ETV6: variants seen among roughly 807,000 people sequenced by gnomAD.
The protein encoded by ETV6 is ETS variant transcription factor 6.
ETV6 carries 16 observed loss-of-function variants against 51.1 expected under a neutral mutation model. The ratio of observed to expected loss-of-function variants is 0.31; its 90% CI spans 0.21 to 0.48. The LOEUF is 0.48. ETV6 is among the 20% of genes least tolerant of loss of function. The pLI is 0.99. For missense variants in ETV6, 458 were observed against 594.8 expected (o/e 0.77, Z 2.39); for synonymous variants, 240 against 224.1 (o/e 1.07, Z -0.64).
intron 2 of ETV6, among the ~76,000 whole-genome samples, chr12:11,828,988 C>T (rs1433220631): frequency 1.3e-5 from 2 of 152,094 alleles, no homozygotes; most frequent in Non-Finnish European, 2.9e-5. Context: ...GGGGCCTGAG[C>T]GGGCACCTCC....
intron 1 of ETV6, among the ~76,000 whole-genome samples, chr12:11,674,151 G>T (rs970005552): frequency 2.6e-5 from 4 of 152,208 alleles, no homozygotes; most frequent in Admixed American, 6.5e-5. Context: ...ATAAAGAGCA[G>T]TGTGCTCGCG....
chr12:11,794,396 G>T (rs1945646917), intron 2 of ETV6, among the ~76,000 whole-genome samples: 1 of 152,134 alleles, frequency 6.6e-6, no homozygotes, highest in Admixed American at 6.5e-5. Context: ...AGCTGCTTGG[G>T]CACAAGCAGG....
intron 1 of ETV6, among the ~76,000 whole-genome samples, chr12:11,746,790 CTTTTTTTTTTTTT>C (rs56135545): frequency 8.4e-6 from 1 of 118,682 alleles, no homozygotes; most frequent in Non-Finnish European, 1.8e-5. Context: ...CTCTCTCTCT[CTTTTTTTTTTTTT>C]TTTTTTTTTT....
intron 3 of ETV6, among the ~76,000 whole-genome samples, chr12:11,845,518 C>CCA (rs1946448250): frequency 6.6e-6 from 1 of 152,062 alleles, no homozygotes; most frequent in Non-Finnish European, 1.5e-5. Flanking sequence ...TTAAATTTTC[C>CCA]CACAACCTGT....
chr12:11,869,811 C>T lies in ETV6; in HGVS notation c.851C>T (p.Ser284Phe). 2 of 1,613,362 alleles carry T rather than the reference C, an allele frequency of 1.2e-6. No individual in the cohort carries two copies. Among genetic ancestry groups the T allele is most frequent in the Non-Finnish European group, 1.7e-6 (2 of 1,180,044 alleles). Residue 284 changes from serine to phenylalanine, a missense_variant, in exon 5 of 8, where the codon TCC becomes TTC. This residue lies in a region of ETV6 where 293 missense variants were observed against 315.7 expected (regional missense o/e 0.93). Coordinates refer to ENST00000396373, the MANE Select transcript of ETV6 (RefSeq NM_001987.5). The surrounding 1 kb of genome is among the most constrained non-coding windows in gnomAD (Gnocchi z 5.0). ...CCTCTGATCCTGAACCCCCGGCACT[C>T]CGTGGATTTCAAACAGTCCAGGCTC... ...MHPLILNPRH[S>F]VDFKQSRLSE...
chr12:11,711,759 C>T (rs1865176569), intron 1 of ETV6, among the ~76,000 whole-genome samples: 1 of 152,194 alleles, frequency 6.6e-6, no homozygotes. Flanking sequence ...GAGGAATATT[C>T]GTCTGAAGTC....
chr12:11,850,072 G>C (rs1321189754), intron 3 of ETV6, among the ~76,000 whole-genome samples: 1 of 152,022 alleles, frequency 6.6e-6, no homozygotes, highest in East Asian at 1.9e-4. Flanking sequence ...CCAGGACCTC[G>C]GGTCCATGTT....
rs931464414 is a variant in ETV6 at position 11,894,911 on chromosome 12, C to A, written c.*3865C>A. ...CACACCAAGAAAAAGGGGCAGTTTT[C>A]TTTGCCCAAGCATTTGGTGCTAGTT... On this transcript the variant is annotated 3_prime_UTR_variant, in exon 8 of 8. Coordinates refer to ENST00000396373, the MANE Select transcript of ETV6 (RefSeq NM_001987.5). The A allele has an allele frequency of 4.3e-6, 1 of 233,548 alleles. No individual in the cohort carries two copies. Among genetic ancestry groups the A allele is most frequent in the African/African-American group, 2.2e-5 (1 of 45,344 alleles). The allele number at this position is 233,548 out of a possible 1,614,324, so 14.5% of individuals were successfully genotyped here. A position where few individuals can be genotyped will look rare whatever the true frequency, so the allele number is the denominator to read the frequency against.
At chr12:11,818,369 G>A (rs1450412901) in intron 2 of ETV6, among the ~76,000 whole-genome samples, 1 of 151,902 alleles carries the variant, frequency 6.6e-6, no homozygotes, top group African/African-American at 2.4e-5. Flanking sequence ...AAATACATAA[G>A]TAACAAAAAT....
chr12:11,733,917 A>G (rs1591638361), intron 1 of ETV6, among the ~76,000 whole-genome samples: 1 of 152,246 alleles, frequency 6.6e-6, no homozygotes, highest in South Asian at 2.1e-4. Flanking sequence ...AGTTGCAGCC[A>G]CTAACATGTT....
chr12:11,750,895 C>A, intron 1 of ETV6: 1 of 473,914 alleles, frequency 2.1e-6, no homozygotes, highest in Non-Finnish European at 4.1e-6. Flanking sequence ...ACATGTGATG[C>A]CTGCTAAAGT....
chr12:11,735,688 C>T (rs1297194109), intron 1 of ETV6, among the ~76,000 whole-genome samples: 1 of 152,208 alleles, frequency 6.6e-6, no homozygotes, highest in Non-Finnish European at 1.5e-5. Flanking sequence ...ACAACCTCCG[C>T]CTCCCGGGTT....
At chr12:11,747,329 A>G (rs1368143228) in intron 1 of ETV6, among the ~76,000 whole-genome samples, 4 of 152,330 alleles carry the variant, frequency 2.6e-5, no homozygotes, top group South Asian at 2.1e-4. Flanking sequence ...CAGGGGGGAC[A>G]CTGGACACCA....
At chr12:11,728,651 T>A (rs185725968) in intron 1 of ETV6, among the ~76,000 whole-genome samples, 1 of 151,418 alleles carries the variant, frequency 6.6e-6, no homozygotes, top group East Asian at 1.9e-4. Context: ...AAAAAAAAGG[T>A]CCATTTACTT....
At chr12:11,762,381 G>A (rs1473247024) in intron 2 of ETV6, among the ~76,000 whole-genome samples, 2 of 152,198 alleles carry the variant, frequency 1.3e-5, no homozygotes, top group African/African-American at 2.4e-5. Context: ...AACTCAAGGC[G>A]TGTTTGCCTT....
rs1246795209 is a variant in ETV6 at position 11,869,143 on chromosome 12, G to A, written c.464-281G>A. Among the ~76,000 whole-genome samples, 6 of 151,944 alleles carry A rather than the reference G, an allele frequency of 3.9e-5. No individual in the cohort carries two copies. Among genetic ancestry groups the A allele is most frequent in the Non-Finnish European group, 5.9e-5 (4 of 67,980 alleles). ...CCCAGCTACTCGGGAGGCTGAGGCC[G>A]GAGAATGGCATGAACCCGGGAGGCA... On this transcript the variant is annotated intron_variant, in intron 4 of 7. Transcript: ENST00000396373. The surrounding 1 kb of genome is among the most constrained non-coding windows in gnomAD (Gnocchi z 5.0).
intron 3 of ETV6, among the ~76,000 whole-genome samples, chr12:11,846,218 A>G (rs1946461296): frequency 7.7e-6 from 1 of 129,358 alleles, no homozygotes; most frequent in African/African-American, 3.4e-5. Context: ...CACACCAGGC[A>G]TACTCTTACT....
At chr12:11,886,126 C>T (rs541619953) in intron 7 of ETV6, 100 bp downstream of exon 7, 6 of 810,056 alleles carry the variant, frequency 7.4e-6, no homozygotes, top group African/African-American at 3.4e-5. Context: ...ACCTGCCTAT[C>T]GGATACCCAA....
intron 5 of ETV6, among the ~76,000 whole-genome samples, chr12:11,872,684 C>T (rs905676719): frequency 1.3e-5 from 2 of 152,020 alleles, no homozygotes; most frequent in Admixed American, 6.5e-5. Flanking sequence ...TTAGTAAAGA[C>T]GGGGTTTCAC....
Sources: gnomAD v4.1 joint callset for allele counts (sites outside exome capture counted in the v4.1 genomes callset) on GRCh38, gnomAD v4.1.1 for gene constraint, gnomAD v4.1.1 regional missense constraint, Gnocchi (gnomAD v3.1) non-coding constraint, MANE v1.5 for transcripts, NCBI Gene and HGNC (gene_info 2026-07-23, HGNC 2026-07-21) for gene names.